SLC12A3: variants seen among roughly 807,000 people sequenced by gnomAD.
SLC12A3 encodes solute carrier family 12 member 3.
SLC12A3 carries 104 observed loss-of-function variants against 121.0 expected under a neutral mutation model. That is an observed-to-expected ratio of 0.86 (90% CI 0.73 to 1.01). The LOEUF (loss-of-function observed/expected upper bound fraction) is 1.01. SLC12A3 is among the 50% of genes least tolerant of loss of function. The probability of loss-of-function intolerance (pLI) is 0.00; values close to 1 mark genes in which losing one functional copy is unlikely to be tolerated. For missense variants in SLC12A3, 1,328 were observed against 1,356.3 expected, an observed-to-expected ratio of 0.98 and a Z score of 0.33; for synonymous variants, 536 against 533.4, an observed-to-expected ratio of 1.00 and a Z score of -0.07.
chr16:56,905,567 A>C (rs2055597815), intron 25 of SLC12A3, among the ~76,000 whole-genome samples: 1 of 151,584 alleles, frequency 6.6e-6, no homozygotes, highest in South Asian at 2.1e-4. Flanking sequence ...CAGGTTCTGC[A>C]TGACAGCCGA....
At chr16:56,887,251 G>T (rs1337808677) in intron 17 of SLC12A3, among the ~76,000 whole-genome samples, 158 bp downstream of exon 17, 1 of 151,958 alleles carries the variant, frequency 6.6e-6, no homozygotes, top group African/African-American at 2.4e-5. Context: ...ACCCAGGCTG[G>T]AGTGCAATGG....
At chr16:56,907,416 C>CCA (rs1198933600) in intron 25 of SLC12A3, among the ~76,000 whole-genome samples, 1 of 151,020 alleles carries the variant, frequency 6.6e-6, no homozygotes, top group African/African-American at 2.5e-5. Context: ...CAAGATCATG[C>CCA]CACTGCACTC....
chr16:56,876,483 G>A (rs2055165596), intron 8 of SLC12A3, among the ~76,000 whole-genome samples: 1 of 152,210 alleles, frequency 6.6e-6, no homozygotes, highest in South Asian at 2.1e-4. Context: ...CAGGGGCCCT[G>A]CAGAGCCCTG....
rs199501594 is a variant in SLC12A3 at position 56,870,242 on chromosome 16, C to T, written c.741+7C>T. The T allele has an allele frequency of 8.7e-6, 14 of 1,612,014 alleles. No individual in the cohort carries two copies. The highest frequency in any genetic ancestry group is 1.2e-5 in the Non-Finnish European group (14 of 1,179,838). On this transcript the variant is annotated splice_region_variant and intron_variant, in intron 5 of 25. Transcript: ENST00000563236. The stretch of plus-strand genomic sequence containing the variant: ...CGTGCGGGACCTGCTCCAGGTGAGG[C>T]CGGGGGGCTGGACCCTGGGTAGAGG...
intron 9 of SLC12A3, among the ~76,000 whole-genome samples, chr16:56,878,793 T>A (rs1567432457): frequency 2.0e-5 from 3 of 152,138 alleles, no homozygotes; most frequent in African/African-American, 7.2e-5. Context: ...GAGATCCAGG[T>A]CTCCGATCTA....
intron 6 of SLC12A3, 88 bp from the exon 7 acceptor site, chr16:56,872,263 C>T (rs563378703): frequency 4.0e-5 from 35 of 866,406 alleles, no homozygotes; most frequent in Admixed American, 5.6e-5. Flanking sequence ...AATGGAGAAA[C>T]GGGCCCTGGG....
chr16:56,887,798 A>ATATTTTT (rs1433682477), intron 17 of SLC12A3, 127 bp from the exon 18 acceptor site: 6 of 68,434 alleles, frequency 8.8e-5, no homozygotes, highest in African/African-American at 2.3e-4. Context: ...ATATATATAT[A>ATATTTTT]TTTTTTTTTT....
rs56844793 is a variant in SLC12A3, at chr16:56,893,971, TTTTATTTATTTATTTATTTA to T, written c.2522-529_2522-510del. On this transcript the variant is annotated intron_variant, in intron 21 of 25. Transcript: ENST00000563236. ...TTTTGTATTTTTATTTTTATTTTTATTTTATTTATTTATTTATTTATTTATTTATTTATTTATTTATTTAT... is the reference window on the plus strand; with the variant it reads ...TTTTGTATTTTTATTTTTATTTTTATTTTATTTATTTATTTATTTATTTAT... 4.8e-4 allele frequency among the ~76,000 whole-genome samples: 56 copies of T among 116,918 alleles called. 1 individual carries two copies. The South Asian group carries it at 0.011, about 23-fold the overall frequency. 76.7% of individuals were successfully genotyped at this position (116,918 alleles called of 152,430 possible).
rs373081343 is a variant in SLC12A3, at chr16:56,882,537, G to T, written c.1669+40G>T. 86 of 1,496,082 alleles carry T rather than the reference G, an allele frequency of 5.7e-5. 1 individual carries two copies. The African/African-American group carries it at 8.1e-4, about 14-fold the overall frequency. The allele number at this position is 1,496,082 out of a possible 1,614,324, so 92.7% of individuals were successfully genotyped here. On this transcript the variant is annotated intron_variant, in intron 13 of 25. Coordinates refer to ENST00000563236, the MANE Select transcript of SLC12A3 (RefSeq NM_001126108.2). The stretch of plus-strand genomic sequence containing the variant: ...CACCCACCTCAGGAGGAGGCACCCA[G>T]GGGGCAGGAGGAACTGGGGCATGGG...
At chr16:56,902,632 T>C (rs908006382) in intron 24 of SLC12A3, 124 bp downstream of exon 24, 6 of 1,202,004 alleles carry the variant, frequency 5.0e-6, no homozygotes, top group Admixed American at 3.9e-5. Context: ...CTCCGGCCCC[T>C]GAGGTATCCT....
intron 25 of SLC12A3, among the ~76,000 whole-genome samples, chr16:56,905,229 C>T (rs1426059854): frequency 1.3e-5 from 2 of 150,730 alleles, no homozygotes; most frequent in Non-Finnish European, 2.9e-5. Context: ...ATCCCAGCTA[C>T]TCGGGAGGCT....
Position 56,868,490 on chromosome 16 carries a change from G to A in SLC12A3, c.505+118G>A, listed in dbSNP as rs35461699. The A allele has an allele frequency of 7.6e-4, 768 of 1,006,964 alleles. 4 individuals are homozygous for A. The African/African-American group carries it at 0.011, about 14-fold the overall frequency. The allele number at this position is 1,006,964 out of a possible 1,614,324, so 62.4% of individuals were successfully genotyped here. ...TGCAGGATTAAACTTGAGGTGCAGA[G>A]ACCAAACGGCCAGGCCTTCTCCTCC... On this transcript the variant is annotated intron_variant, in intron 3 of 25. Coordinates refer to ENST00000563236, the MANE Select transcript of SLC12A3 (RefSeq NM_001126108.2).
rs1374453681 is a variant in SLC12A3, at chr16:56,914,377, A to C, written c.*972A>C. On this transcript the variant is annotated 3_prime_UTR_variant, in exon 26 of 26. Transcript: ENST00000563236. ...GCAGCGCACACACACGGAAACGACC[A>C]AAACAAAAATGTCACAAAACAATAC... 1 of 152,264 alleles carries C rather than the reference A, an allele frequency of 6.6e-6. No homozygotes were observed. The highest frequency in any genetic ancestry group is 1.5e-5 in the Non-Finnish European group (1 of 68,050). 9.4% of individuals were successfully genotyped at this position (152,264 alleles called of 1,614,324 possible).
At chr16:56,904,789 G>T in intron 25 of SLC12A3, 1 of 370,510 alleles carries the variant, frequency 2.7e-6, no homozygotes, top group South Asian at 2.2e-5. Flanking sequence ...CTTTCAAGAG[G>T]GACATCAACT....
At chr16:56,868,052 T>C (rs115120210) in intron 2 of SLC12A3, among the ~76,000 whole-genome samples, 1 of 152,298 alleles carries the variant, frequency 6.6e-6, no homozygotes, top group African/African-American at 2.4e-5. Flanking sequence ...ACAGTGCTGG[T>C]AGCCTAGCGT....
Position 56,872,618 on chromosome 16 carries a change from T to A in SLC12A3, c.965-38T>A, listed in dbSNP as rs763543129. 17 of 1,613,980 alleles carry A rather than the reference T, an allele frequency of 1.1e-5. No homozygotes were observed. The South Asian group carries it at 1.4e-4, about 14-fold the overall frequency. On this transcript the variant is annotated intron_variant, in intron 7 of 25. Transcript: ENST00000563236. ...GGTCCCAGCAAGGGGGGTCAAGCCC[T>A]CCAGGTGAGCCTTACTCATCAGGCC...
Position 56,886,418 on chromosome 16 carries a change from C to T in SLC12A3, c.1980C>T (p.Asp660=), listed in dbSNP as rs201519016. The change falls in exon 16 of 26, where the codon GAC becomes GAT. Residue 660 remains aspartate, a synonymous_variant. Coordinates refer to ENST00000563236, the MANE Select transcript of SLC12A3 (RefSeq NM_001126108.2). ...CCAACTTCCGCCCGGCCCTGGTGGA[C>T]TTTGTGGGCACCTTCACCCGGAACC... ...GPPNFRPALV[D]FVGTFTRNLS... is the part of the protein sequence containing the mutation. 1,547 of 1,614,134 alleles carry T rather than the reference C, an allele frequency of 9.6e-4. 12 individuals are homozygous for T. Among genetic ancestry groups the T allele is most frequent in the Non-Finnish European group, 2.7e-4 (314 of 1,180,030 alleles).
At chr16:56,894,951 C>T in intron 22 of SLC12A3, among the ~76,000 whole-genome samples, 1 of 138,218 alleles carries the variant, frequency 7.2e-6, no homozygotes, top group Non-Finnish European at 1.6e-5. Flanking sequence ...TAACAAGAAG[C>T]ATAAAAATAA....
intron 22 of SLC12A3, among the ~76,000 whole-genome samples, chr16:56,895,895 G>T (rs906613185): frequency 6.6e-6 from 1 of 152,070 alleles, no homozygotes; most frequent in Non-Finnish European, 1.5e-5. Flanking sequence ...TCATCAGGAG[G>T]GTTCATGGCC....
Sources: gnomAD v4.1 joint callset for allele counts (sites outside exome capture counted in the v4.1 genomes callset) on GRCh38, gnomAD v4.1.1 for gene constraint, MANE v1.5 for transcripts, NCBI Gene and HGNC (gene_info 2026-07-23, HGNC 2026-07-21) for gene names.